Variants in CADM2 observed in about 807,000 individuals in gnomAD.
CADM2 encodes the protein immunoglobulin superfamily member 4D.
In CADM2, 12 loss-of-function variants were observed where a neutral mutation model predicts 49.8. The observed-to-expected ratio is 0.24, with a 90% CI of 0.15 to 0.39. The LOEUF is 0.39. CADM2 is among the 10% of genes least tolerant of loss of function. The pLI, the probability that CADM2 is intolerant of heterozygous loss-of-function variation, is 1.00. For missense variants in CADM2, 378 were observed against 492.3 expected (o/e 0.77, Z 2.20); for synonymous variants, 214 against 175.4 (o/e 1.22, Z -1.74).
intron 1 of CADM2, among the ~76,000 whole-genome samples, chr3:85,663,065 A>G (rs2065458521): frequency 6.6e-6 from 1 of 152,032 alleles, no homozygotes; most frequent in African/African-American, 2.4e-5. Flanking sequence ...GGGAACTGCA[A>G]ACGTAGTGGT....
chr3:84,960,518 A>T (rs1229119154), intron 1 of CADM2: 1 of 151,910 alleles, frequency 6.6e-6, no homozygotes, highest in Non-Finnish European at 1.5e-5. Context: ...TATGCTCCCT[A>T]GCAGTTACTT....
chr3:85,745,449 C>T (rs1462934565), intron 2 of CADM2, among the ~76,000 whole-genome samples: 1 of 151,776 alleles, frequency 6.6e-6, no homozygotes, highest in Non-Finnish European at 1.5e-5. Flanking sequence ...TTGATTCTGA[C>T]ACAACAAATA....
intron 1 of CADM2, among the ~76,000 whole-genome samples, chr3:85,407,981 C>T (rs1301508081): frequency 7.6e-6 from 1 of 131,616 alleles, no homozygotes; most frequent in Non-Finnish European, 1.6e-5. Flanking sequence ...GGGCAAGACC[C>T]TGCCTCTTTA....
intron 1 of CADM2, among the ~76,000 whole-genome samples, chr3:85,495,210 A>C (rs2039838460): frequency 6.6e-6 from 1 of 152,184 alleles, no homozygotes; most frequent in African/African-American, 2.4e-5. Context: ...GCAGACAATA[A>C]CAAGTTCATC....
At chr3:85,295,963 G>A (rs1176446854) in intron 1 of CADM2, among the ~76,000 whole-genome samples, 3 of 151,648 alleles carry the variant, frequency 2.0e-5, no homozygotes, top group Non-Finnish European at 4.4e-5. Context: ...AAAAAAAGTA[G>A]TAAACCTAGT....
chr3:85,631,457 C>T (rs866718218), intron 1 of CADM2, among the ~76,000 whole-genome samples: 1 of 152,018 alleles, frequency 6.6e-6, no homozygotes, highest in African/African-American at 2.4e-5. Flanking sequence ...TGAAATAAAT[C>T]TTTCACCAAT....
intron 1 of CADM2, among the ~76,000 whole-genome samples, chr3:85,212,075 T>G (rs1340857266): frequency 6.6e-6 from 1 of 152,208 alleles, no homozygotes; most frequent in Non-Finnish European, 1.5e-5. Context: ...AAATCTATTT[T>G]GTCTGATACA....
At chr3:86,001,240 T>C (rs555447256) in intron 8 of CADM2, among the ~76,000 whole-genome samples, 48 of 152,240 alleles carry the variant, frequency 3.2e-4, no homozygotes, top group African/African-American at 1.1e-3. Context: ...GTTCGTTGGG[T>C]ATTTGATATC....
intron 1 of CADM2, among the ~76,000 whole-genome samples, chr3:85,067,362 AC>A (rs774339264): frequency 2.0e-5 from 3 of 152,138 alleles, no homozygotes; most frequent in African/African-American, 4.8e-5. Context: ...AAACAAAAAA[AC>A]ATGTTGGCTT....
intron 2 of CADM2, among the ~76,000 whole-genome samples, chr3:85,735,707 G>A (rs772202178): frequency 3.3e-5 from 5 of 152,126 alleles, no homozygotes; most frequent in Non-Finnish European, 5.9e-5. Context: ...CTGGAAGTAG[G>A]ACATGATATA....
intron 1 of CADM2, among the ~76,000 whole-genome samples, chr3:85,017,543 A>C (rs80155233): frequency 6.6e-6 from 1 of 152,190 alleles, no homozygotes; most frequent in Admixed American, 6.5e-5. Context: ...TCTTATCCTG[A>C]TGTAATTTTG....
chr3:85,995,239 G>C (rs1729240627), intron 8 of CADM2, among the ~76,000 whole-genome samples: 1 of 152,024 alleles, frequency 6.6e-6, no homozygotes, highest in Non-Finnish European at 1.5e-5. Flanking sequence ...TTTCAATAAT[G>C]TGTTATTTAA....
At chr3:85,658,155 C>G (rs1341163023) in intron 1 of CADM2, among the ~76,000 whole-genome samples, 3 of 151,722 alleles carry the variant, frequency 2.0e-5, no homozygotes, top group Admixed American at 1.3e-4. Context: ...AGCAATCATT[C>G]AAAAGTACAG....
chr3:85,076,669 C>G (rs1054558460), intron 1 of CADM2, among the ~76,000 whole-genome samples: 1 of 151,586 alleles, frequency 6.6e-6, no homozygotes, highest in Non-Finnish European at 1.5e-5. Flanking sequence ...AAATTATTAT[C>G]TACTTCCAAA....
Position 85,504,600 on chromosome 3 carries a change from C to T in CADM2, c.62-221922C>T, listed in dbSNP as rs551178469. Among the ~76,000 whole-genome samples, 5 of 152,312 alleles carry T rather than the reference C, an allele frequency of 3.3e-5. No individual in the cohort carries two copies. The East Asian group carries it at 7.7e-4, about 24-fold the overall frequency. The stretch of plus-strand genomic sequence containing the variant: ...CCATGTCCCCATCAAATTCAGGAGC[C>T]CAGCTGGCTTCACCCAGTAGATACC... On this transcript the variant is annotated intron_variant, in intron 1 of 9. Coordinates refer to ENST00000383699, the MANE Select transcript of CADM2 (RefSeq NM_001167675.2).
chr3:85,195,410 G>T (rs909235077), intron 1 of CADM2, among the ~76,000 whole-genome samples: 1 of 152,002 alleles, frequency 6.6e-6, no homozygotes, highest in Non-Finnish European at 1.5e-5. Flanking sequence ...GTCCCATCAG[G>T]TAAAACCTGG....
chr3:85,305,420 TACAG>T (rs1475295811), intron 1 of CADM2, among the ~76,000 whole-genome samples: 1 of 151,658 alleles, frequency 6.6e-6, no homozygotes, highest in Non-Finnish European at 1.5e-5. Context: ...TTTTCATATG[TACAG>T]ACAGTCATTA....
At chr3:85,721,397 C>T (rs2067497859) in intron 1 of CADM2, among the ~76,000 whole-genome samples, 1 of 151,946 alleles carries the variant, frequency 6.6e-6, no homozygotes, top group African/African-American at 2.4e-5. Context: ...CCTGTGTTTT[C>T]CTCAGGCCTG....
chr3:84,965,053 C>T (rs1433416031), intron 1 of CADM2, among the ~76,000 whole-genome samples: 1 of 151,914 alleles, frequency 6.6e-6, no homozygotes, highest in Non-Finnish European at 1.5e-5. Context: ...ATTAAAAACC[C>T]CAGATACTTT....
Sources: gnomAD v4.1 joint callset for allele counts (sites outside exome capture counted in the v4.1 genomes callset) on GRCh38, gnomAD v4.1.1 for gene constraint, MANE v1.5 for transcripts, NCBI Gene and HGNC (gene_info 2026-07-23, HGNC 2026-07-21) for gene names.